Variants in ABCA4 observed in about 807,000 individuals in gnomAD.
ABCA4 encodes the protein retinal-specific phospholipid-transporting ATPase ABCA4.
In ABCA4, 196 loss-of-function variants were observed where a neutral mutation model predicts 263.7. The ratio of observed to expected loss-of-function variants is 0.74; its 90% CI spans 0.66 to 0.84. ABCA4 has a LOEUF of 0.84. ABCA4 is among the 40% of genes least tolerant of loss of function. The pLI is 0.00. For missense variants in ABCA4, 2,792 were observed against 2,855.1 expected (o/e 0.98, Z 0.50); for synonymous variants, 1,133 against 1,094.2 (o/e 1.04, Z -0.70).
At position 94,113,011 on chromosome 1, in the gene ABCA4, C is replaced by T. The variant is rs61751410; in HGVS notation, c.122G>A (p.Trp41Ter). The part of the protein sequence containing the change: ...WPLSLFLVLI[W>*]LRNANPLYSH... ...GTAGAGTGGGTTGGCATTCCTTAAC[C>T]AGATCAAGACCAGAAATAAAGATAA... The change falls in exon 2 of 50, where the codon TGG becomes TAG. Residue 41 changes from tryptophan (W) to a stop codon, truncating the protein, a stop_gained. Transcript: ENST00000370225. LOFTEE classifies it high-confidence loss of function. 6.2e-7 allele frequency: 1 copy of T among 1,614,060 alleles called. No homozygotes were observed. The highest frequency in any genetic ancestry group is 8.5e-7 in the Non-Finnish European group (1 of 1,179,984).
intron 1 of ABCA4, among the ~76,000 whole-genome samples, chr1:94,119,557 GCAGCAGCCTCCATGCACGC>G (rs1047826782): frequency 1.3e-5 from 2 of 152,144 alleles, no homozygotes; most frequent in Non-Finnish European, 2.9e-5. Context: ...CAGAGATCCA[GCAGCAGCCTCCATGCACGC>G]CTTCCTCCCA....
intron 11 of ABCA4, among the ~76,000 whole-genome samples, chr1:94,076,521 G>T (rs1297985167): frequency 6.6e-6 from 1 of 152,150 alleles, no homozygotes; most frequent in Non-Finnish European, 1.5e-5. Flanking sequence ...AATGGGCAAT[G>T]AAAACAGCAT....
At chr1:94,045,841 CACGTGGG>C (rs1373701354) in intron 19 of ABCA4, 1 of 456,318 alleles carries the variant, frequency 2.2e-6, no homozygotes, top group East Asian at 7.0e-5. Context: ...AAGACTGTGT[CACGTGGG>C]TTCGCTGCCC....
chr1:94,111,622 G>C (rs371120228), intron 2 of ABCA4, 43 bp from the exon 3 acceptor site: 24 of 1,611,788 alleles, frequency 1.5e-5, no homozygotes, highest in Non-Finnish European at 2.0e-5. Context: ...TAGTCATGGA[G>C]ACCAAGCAGG....
At chr1:94,084,084 C>T (rs1225801844) in intron 6 of ABCA4, among the ~76,000 whole-genome samples, 1 of 152,224 alleles carries the variant, frequency 6.6e-6, no homozygotes, top group African/African-American at 2.4e-5. Context: ...GCCACCTCGG[C>T]AGGGGATGTG....
At chr1:93,994,566 A>C (rs1001567467) in intron 49 of ABCA4, among the ~76,000 whole-genome samples, 1 of 152,232 alleles carries the variant, frequency 6.6e-6, no homozygotes, top group Non-Finnish European at 1.5e-5. Flanking sequence ...GGTATAATGT[A>C]AACAATAATA....
intron 6 of ABCA4, among the ~76,000 whole-genome samples, chr1:94,087,919 A>G (rs1332188307): frequency 6.6e-6 from 1 of 152,166 alleles, no homozygotes; most frequent in African/African-American, 2.4e-5. Flanking sequence ...CCCTTCCATC[A>G]CTGTCGTCAT....
At chr1:94,056,526 G>C (rs1456269900) in intron 15 of ABCA4, 75 bp downstream of exon 15, 1 of 1,479,316 alleles carries the variant, frequency 6.8e-7, no homozygotes, top group Non-Finnish European at 9.3e-7. Flanking sequence ...CAGAGGGCAG[G>C]CTGGGCCTCC....
rs375018031 is a variant in ABCA4 at position 94,016,526 on chromosome 1, T to C, written c.5197-672A>G. 4.6e-5 allele frequency among the ~76,000 whole-genome samples: 7 copies of C among 152,034 alleles called. No homozygotes were observed. In the South Asian group the frequency reaches 8.3e-4, roughly 18 times the overall value. On this transcript the variant is annotated intron_variant, in intron 36 of 49. Transcript: ENST00000370225. ...GGACGGCATCCACATGGGGAGGGGATGGTGGCAGAGTTGGGCACTGTTCAG... is the reference window on the plus strand; with the variant it reads ...GGACGGCATCCACATGGGGAGGGGACGGTGGCAGAGTTGGGCACTGTTCAG...
chr1:94,082,403 T>C (rs559377991), intron 7 of ABCA4, among the ~76,000 whole-genome samples: 1 of 152,332 alleles, frequency 6.6e-6, no homozygotes, highest in South Asian at 2.1e-4. Context: ...TTGGGGATTG[T>C]TTGTACATTC....
intron 44 of ABCA4, among the ~76,000 whole-genome samples, chr1:94,004,849 G>A (rs1290297800): frequency 6.6e-6 from 1 of 152,124 alleles, no homozygotes; most frequent in African/African-American, 2.4e-5. Context: ...TATTTGCAAA[G>A]GTAAGCAGAC....
intron 6 of ABCA4, among the ~76,000 whole-genome samples, chr1:94,096,379 G>A (rs569027346): frequency 1.3e-5 from 2 of 152,304 alleles, no homozygotes; most frequent in South Asian, 4.1e-4. Flanking sequence ...TGTCCTGTTT[G>A]CTTGTCTCTG....
At chr1:94,082,561 C>A (rs2101110203) in intron 7 of ABCA4, among the ~76,000 whole-genome samples, 1 of 152,208 alleles carries the variant, frequency 6.6e-6, no homozygotes, top group East Asian at 1.9e-4. Flanking sequence ...CATACTCGGC[C>A]CAGGTTGAGA....
At chr1:94,002,082 G>C in intron 44 of ABCA4, 90 bp from the exon 45 acceptor site, 1 of 1,586,718 alleles carries the variant, frequency 6.3e-7, no homozygotes, top group African/African-American at 1.3e-5. Flanking sequence ...CAGATCTCAC[G>C]CCTCCAGAAT....
At chr1:94,096,666 C>T (rs1370980220) in intron 6 of ABCA4, among the ~76,000 whole-genome samples, 1 of 152,200 alleles carries the variant, frequency 6.6e-6, no homozygotes, top group Non-Finnish European at 1.5e-5. Flanking sequence ...AGCCAGTGTC[C>T]TGAGTTTTGG....
At chr1:94,111,165 G>C (rs1360442491) in intron 3 of ABCA4, among the ~76,000 whole-genome samples, 1 of 152,248 alleles carries the variant, frequency 6.6e-6, no homozygotes, top group Non-Finnish European at 1.5e-5. Flanking sequence ...CATCTCTGCA[G>C]CGGGCTGCCA....
intron 4 of ABCA4, 121 bp downstream of exon 4, chr1:94,108,456 A>T: frequency 2.1e-6 from 3 of 1,434,406 alleles, no homozygotes; most frequent in Non-Finnish European, 2.9e-6. Flanking sequence ...CCGCCTCCAG[A>T]CCCCATCCCT....
At chr1:94,107,339 G>T (rs889457608) in intron 4 of ABCA4, among the ~76,000 whole-genome samples, 2 of 152,146 alleles carry the variant, frequency 1.3e-5, no homozygotes, top group African/African-American at 4.8e-5. Context: ...CACACCCAAA[G>T]CTGCAGCAAC....
At chr1:94,079,197 C>T (rs1661618936) in intron 9 of ABCA4, 125 bp downstream of exon 9, 4 of 1,402,648 alleles carry the variant, frequency 2.9e-6, no homozygotes, top group Non-Finnish European at 4.0e-6. Context: ...ACGCAAGAGT[C>T]CACTTAGCAA....
Sources: gnomAD v4.1 joint callset for allele counts (sites outside exome capture counted in the v4.1 genomes callset) on GRCh38, gnomAD v4.1.1 for gene constraint, MANE v1.5 for transcripts, NCBI Gene and HGNC (gene_info 2026-07-23, HGNC 2026-07-21) for gene names.